The following MDGA2 variants were observed in gnomAD, a reference collection of about 807,000 sequenced individuals.
MDGA2 encodes the protein MAM domain containing glycosylphosphatidylinositol anchor 2, also known as MAM domain-containing glycosylphosphatidylinositol anchor protein 2.
In MDGA2, 40 loss-of-function variants were observed where a neutral mutation model predicts 117.8. That is an observed-to-expected ratio of 0.34 (90% CI 0.26 to 0.44). MDGA2 has a LOEUF of 0.44. MDGA2 is among the 20% of genes least tolerant of loss of function. MDGA2 has a pLI of 1.00. For missense variants in MDGA2, 1,123 were observed against 1,250.6 expected (o/e 0.90, Z 1.54); for synonymous variants, 452 against 439.0 (o/e 1.03, Z -0.37).
chr14:46,957,700 C>T, intron 8 of MDGA2, 57 bp from the exon 9 acceptor site: 5 of 1,591,706 alleles, frequency 3.1e-6, no homozygotes, highest in Non-Finnish European at 4.3e-6. Flanking sequence ...AAGCCAAAAG[C>T]TACTCTTATT....
At chr14:46,972,761 G>GT (rs1886318518) in intron 8 of MDGA2, among the ~76,000 whole-genome samples, 2 of 151,992 alleles carry the variant, frequency 1.3e-5, no homozygotes, top group Admixed American at 1.3e-4. Flanking sequence ...ATTGAAAGAA[G>GT]TAACTTTTAA....
intron 4 of MDGA2, among the ~76,000 whole-genome samples, chr14:47,143,533 T>C (rs191701651): frequency 6.6e-6 from 1 of 152,184 alleles, no homozygotes; most frequent in Non-Finnish European, 1.5e-5. Flanking sequence ...AATTCAACTT[T>C]TATTAAATAC....
intron 3 of MDGA2, among the ~76,000 whole-genome samples, chr14:47,163,930 G>A (rs1433366225): frequency 6.6e-6 from 1 of 152,196 alleles, no homozygotes; most frequent in African/African-American, 2.4e-5. Context: ...GGCTGCAAAA[G>A]AGGCAGCCAT....
At chr14:47,561,171 G>GTTTTTTTTTTTTTTTTTTTTTTTTT (rs1594918273) in intron 1 of MDGA2, among the ~76,000 whole-genome samples, 38 of 68,466 alleles carry the variant, frequency 5.6e-4, no homozygotes, top group East Asian at 2.0e-3. Context: ...TTGTTTTTTT[G>GTTTTTTTTTTTTTTTTTTTTTTTTT]TTTGTTTGTT....
intron 1 of MDGA2, among the ~76,000 whole-genome samples, chr14:47,310,943 CA>C (rs1351629943): frequency 1.3e-5 from 2 of 152,004 alleles, no homozygotes; most frequent in East Asian, 3.9e-4. Flanking sequence ...TCTTTCCCTC[CA>C]AATCAAACTT....
At position 47,670,366 on chromosome 14, in the gene MDGA2, T is replaced by C. The variant is rs148553613; in HGVS notation, c.280+4151A>G. ...GATGCATTCATAATGTTTAATAACT[T>C]CCTTGGAAATTAAAGGCATGATGAC... On this transcript the variant is annotated intron_variant, in intron 1 of 16. Transcript: ENST00000399232. 9.2e-3 allele frequency among the ~76,000 whole-genome samples: 1,395 copies of C among 152,266 alleles called. 24 individuals are homozygous for C. Among genetic ancestry groups the C allele is most frequent in the African/African-American group, 0.032 (1,323 of 41,560 alleles).
chr14:47,292,620 G>T (rs2139779474), intron 2 of MDGA2, among the ~76,000 whole-genome samples: 1 of 151,614 alleles, frequency 6.6e-6, no homozygotes, highest in Non-Finnish European at 1.5e-5. Flanking sequence ...TTTGAAGGAA[G>T]GATTGAGACA....
chr14:46,872,487 A>G (rs1882046944), intron 14 of MDGA2, among the ~76,000 whole-genome samples: 1 of 151,860 alleles, frequency 6.6e-6, no homozygotes, highest in Non-Finnish European at 1.5e-5. Context: ...TTCAAGCTCT[A>G]TGGGGTTAGA....
chr14:47,313,550 G>T (rs1417441775), intron 1 of MDGA2, among the ~76,000 whole-genome samples: 1 of 152,084 alleles, frequency 6.6e-6, no homozygotes, highest in African/African-American at 2.4e-5. Context: ...TCCTGCCTCT[G>T]CCTCCCCATA....
intron 9 of MDGA2, among the ~76,000 whole-genome samples, chr14:46,940,411 C>T (rs376511728): frequency 1.8e-4 from 27 of 151,998 alleles, no homozygotes; most frequent in African/African-American, 6.0e-4. Context: ...GGTGGATCAC[C>T]TGAGGTCAGG....
At chr14:47,530,425 G>C (rs1217437198) in intron 1 of MDGA2, among the ~76,000 whole-genome samples, 1 of 152,060 alleles carries the variant, frequency 6.6e-6, no homozygotes, top group African/African-American at 2.4e-5. Flanking sequence ...CTGTTTTAAG[G>C]CTCTGTTAGA....
chr14:47,109,539 A>C (rs1340552527), intron 5 of MDGA2, among the ~76,000 whole-genome samples: 2 of 152,226 alleles, frequency 1.3e-5, no homozygotes, highest in Non-Finnish European at 2.9e-5. Context: ...CCAGAAGAGT[A>C]TTTGACAAAG....
chr14:47,447,460 C>T (rs1296058981), intron 1 of MDGA2, among the ~76,000 whole-genome samples: 1 of 152,122 alleles, frequency 6.6e-6, no homozygotes, highest in Non-Finnish European at 1.5e-5. Context: ...GGTAGTATTT[C>T]CATACTAATG....
intron 6 of MDGA2, among the ~76,000 whole-genome samples, chr14:47,081,342 G>A (rs1890701487): frequency 6.6e-6 from 1 of 151,906 alleles, no homozygotes; most frequent in Non-Finnish European, 1.5e-5. Context: ...ATGTCTCTAA[G>A]TATCAAAAGT....
intron 1 of MDGA2, among the ~76,000 whole-genome samples, chr14:47,544,811 C>G (rs1224499395): frequency 6.6e-6 from 1 of 152,052 alleles, no homozygotes; most frequent in Non-Finnish European, 1.5e-5. Context: ...CCTGTAGATA[C>G]CATGACAGTA....
rs1880559755 is a variant in MDGA2, at chr14:46,840,398, A to T, written c.*1533T>A. The T allele has an allele frequency of 6.6e-6, 1 of 152,464 alleles. No homozygotes were observed. The highest frequency in any genetic ancestry group is 2.4e-5 in the African/African-American group (1 of 41,414). 9.4% of individuals were successfully genotyped at this position (152,464 alleles called of 1,614,324 possible). A position where few individuals can be genotyped will look rare whatever the true frequency, so the allele number is the denominator to read the frequency against. On this transcript the variant is annotated 3_prime_UTR_variant, in exon 17 of 17. Transcript: ENST00000399232. ...AAGCTGAGATAATTTAAGGAAAATG[A>T]TCTTCAAATTTTCATAACCAACAGG...
At chr14:47,101,552 G>T (rs1880325635) in intron 5 of MDGA2, among the ~76,000 whole-genome samples, 1 of 152,106 alleles carries the variant, frequency 6.6e-6, no homozygotes, top group Non-Finnish European at 1.5e-5. Context: ...CAAGGACATA[G>T]TCATCTCATG....
chr14:47,208,687 A>G (rs1023027858), intron 3 of MDGA2, among the ~76,000 whole-genome samples: 2 of 151,994 alleles, frequency 1.3e-5, no homozygotes, highest in Non-Finnish European at 2.9e-5. Flanking sequence ...CAGCAGGAGC[A>G]TCTGCCTGCC....
intron 1 of MDGA2, among the ~76,000 whole-genome samples, chr14:47,523,511 A>T (rs1011126095): frequency 6.6e-6 from 1 of 152,308 alleles, no homozygotes; most frequent in Middle Eastern, 3.4e-3. Context: ...ACTGGAATTC[A>T]GAATACTTAG....
Sources: gnomAD v4.1 joint callset for allele counts (sites outside exome capture counted in the v4.1 genomes callset) on GRCh38, gnomAD v4.1.1 for gene constraint, MANE v1.5 for transcripts, NCBI Gene and HGNC (gene_info 2026-07-23, HGNC 2026-07-21) for gene names.